ATP2B2: variants seen among roughly 807,000 people sequenced by gnomAD.
ATP2B2 encodes ATPase plasma membrane Ca2+ transporting 2, also known as plasma membrane calcium-transporting ATPase 2.
ATP2B2 carries 15 observed loss-of-function variants against 120.0 expected under a neutral mutation model. The ratio of observed to expected loss-of-function variants is 0.12; its 90% CI spans 0.08 to 0.19. The LOEUF is 0.19. ATP2B2 is among the 10% of genes least tolerant of loss of function. The pLI, the probability that ATP2B2 is intolerant of heterozygous loss-of-function variation, is 1.00. For missense variants in ATP2B2, 1,045 were observed against 1,719.8 expected, an observed-to-expected ratio of 0.61 and a Z score of 6.94; for synonymous variants, 694 against 700.3, an observed-to-expected ratio of 0.99 and a Z score of 0.14.
chr3:10,420,998 G>T (rs185118463), intron 2 of ATP2B2, among the ~76,000 whole-genome samples: 4 of 152,346 alleles, frequency 2.6e-5, no homozygotes, highest in Admixed American at 2.6e-4. Flanking sequence ...GGTCCCTGGA[G>T]CGGCGGCTTC....
chr3:10,511,466 A>G (rs2066760212), intron 3 of ATP2B2, among the ~76,000 whole-genome samples: 1 of 152,202 alleles, frequency 6.6e-6, no homozygotes, highest in Non-Finnish European at 1.5e-5. Context: ...TGAAAAAGCA[A>G]TTCTGCTAGT....
At chr3:10,361,541 A>T (rs1343991584) in intron 12 of ATP2B2, among the ~76,000 whole-genome samples, 1 of 152,142 alleles carries the variant, frequency 6.6e-6, no homozygotes, top group Admixed American at 6.5e-5. Flanking sequence ...GGCCGTGTGA[A>T]CACCATTAGC....
intron 1 of ATP2B2, among the ~76,000 whole-genome samples, chr3:10,474,052 T>A (rs1360904731): frequency 1.3e-5 from 2 of 152,118 alleles, no homozygotes; most frequent in African/African-American, 4.8e-5. Flanking sequence ...AGGTGGCTAC[T>A]GTGTCATCCA....
At chr3:10,640,462 T>C (rs973646027) in intron 1 of ATP2B2, among the ~76,000 whole-genome samples, 1 of 152,214 alleles carries the variant, frequency 6.6e-6, no homozygotes, top group African/African-American at 2.4e-5. Flanking sequence ...AGGCACTGGC[T>C]TGGGAACTCT....
chr3:10,366,057 C>T (rs984913921), intron 12 of ATP2B2, among the ~76,000 whole-genome samples: 3 of 152,132 alleles, frequency 2.0e-5, no homozygotes, highest in Non-Finnish European at 2.9e-5. Flanking sequence ...GGCCCACCTC[C>T]GGACCTCAGT....
At chr3:10,372,095 C>A in intron 11 of ATP2B2, 44 bp from the exon 12 acceptor site, 2 of 1,613,952 alleles carry the variant, frequency 1.2e-6, no homozygotes, top group Non-Finnish European at 8.5e-7. Flanking sequence ...AGGAGAGGGG[C>A]TGGGGAGCAT....
intron 1 of ATP2B2, among the ~76,000 whole-genome samples, chr3:10,467,283 T>C (rs2064787414): frequency 6.6e-6 from 1 of 152,238 alleles, no homozygotes. Flanking sequence ...CAGAGCTGCC[T>C]TGTGGACCAC....
intron 1 of ATP2B2, among the ~76,000 whole-genome samples, chr3:10,461,993 T>C (rs1373409295): frequency 2.0e-5 from 3 of 152,130 alleles, no homozygotes; most frequent in Non-Finnish European, 4.4e-5. Flanking sequence ...TCTCTGACCA[T>C]GTCTGCCCAG....
chr3:10,517,664 C>T (rs951520588), intron 3 of ATP2B2, among the ~76,000 whole-genome samples: 7 of 152,174 alleles, frequency 4.6e-5, no homozygotes, highest in Admixed American at 2.0e-4. Context: ...TCACTGAATC[C>T]GTGCAACCCC....
At chr3:10,695,463 A>G (rs1047094528) in intron 1 of ATP2B2, among the ~76,000 whole-genome samples, 2 of 152,192 alleles carry the variant, frequency 1.3e-5, no homozygotes, top group African/African-American at 4.8e-5. Context: ...GCCAAACCAT[A>G]TAAACTGCCA....
rs114117665 is a variant in ATP2B2, at chr3:10,670,366, C to T, written c.-460+37549G>A. ...ACCCAAAGAACAACATTTTTTTTAA[C>T]GGGAAAGATTGGCTTAGAGAAGGTA... On this transcript the variant is annotated intron_variant, in intron 1 of 21. Transcript: ENST00000646379. Among the ~76,000 whole-genome samples, 1,312 of 152,184 alleles carry T rather than the reference C, an allele frequency of 8.6e-3. 22 individuals carry two copies. Among genetic ancestry groups the T allele is most frequent in the African/African-American group, 0.027 (1,102 of 41,516 alleles).
At position 10,375,630 on chromosome 3, in the gene ATP2B2, C is replaced by A; in HGVS notation, c.1216G>T (p.Ala406Ser). Reference protein sequence around the residue: ...QIGKAGLVMSAITVIILVLYF... With the variant: ...QIGKAGLVMSSITVIILVLYF... ...AGCACCAGGATGATCACCGTGATGG[C>A]TGACATCACCAAGCCTGCAATGTGA... The change falls in exon 11 of 23, where the codon GCC becomes TCC. Residue 406 changes from alanine to serine, a missense_variant. Ala to Ser is a moderately conservative substitution (Grantham distance 99). Coordinates refer to ENST00000360273, the MANE Select transcript of ATP2B2 (RefSeq NM_001001331.4). The surrounding 1 kb of genome is among the most constrained non-coding windows in gnomAD (Gnocchi z 4.2). 6.2e-7 allele frequency: 1 copy of A among 1,613,682 alleles called. No homozygotes were observed. The highest frequency in any genetic ancestry group is 8.5e-7 in the Non-Finnish European group (1 of 1,180,004).
intron 1 of ATP2B2, among the ~76,000 whole-genome samples, chr3:10,680,324 TGG>T (rs1559518342): frequency 4.6e-5 from 7 of 151,470 alleles, no homozygotes. Flanking sequence ...CTGAGGGTTC[TGG>T]AGGCCCAGGT....
intron 2 of ATP2B2, among the ~76,000 whole-genome samples, chr3:10,540,419 C>T (rs1008941588): frequency 7.9e-5 from 12 of 152,148 alleles, no homozygotes; most frequent in African/African-American, 2.4e-4. Flanking sequence ...CATGTGCACA[C>T]GTATGTTTAC....
intron 17 of ATP2B2, 147 bp from the exon 18 acceptor site, chr3:10,345,722 C>G (rs2060411701): frequency 2.5e-6 from 2 of 787,188 alleles, no homozygotes; most frequent in Non-Finnish European, 4.1e-6. Flanking sequence ...ACACCCCACT[C>G]TTCACGCTCC....
rs138266539 is a variant in ATP2B2, at chr3:10,416,814, C to T, written c.200-5999G>A. ...TAAACTTTAATGTCGAAAATGCAAA[C>T]GGGGAGGGCAGAAAGATCACACAAA... On this transcript the variant is annotated intron_variant, in intron 2 of 22. Coordinates refer to ENST00000360273, the MANE Select transcript of ATP2B2 (RefSeq NM_001001331.4). Among the ~76,000 whole-genome samples, 687 of 151,210 alleles carry T rather than the reference C, an allele frequency of 4.5e-3. 8 individuals are homozygous for T. Among genetic ancestry groups the T allele is most frequent in the African/African-American group, 0.016 (655 of 41,054 alleles).
chr3:10,444,069 C>T (rs529007171), intron 2 of ATP2B2, among the ~76,000 whole-genome samples: 1 of 152,320 alleles, frequency 6.6e-6, no homozygotes, highest in South Asian at 2.1e-4. Context: ...AGTTTTTCTC[C>T]TCTCGGCCTC....
chr3:10,471,047 C>T (rs982029508), intron 1 of ATP2B2, among the ~76,000 whole-genome samples: 19 of 152,206 alleles, frequency 1.2e-4, no homozygotes, highest in Non-Finnish European at 7.3e-5. Context: ...CCAGGCCAGG[C>T]ACAAGCTGCT....
rs774513907 is a variant in ATP2B2, at chr3:10,328,570, C to T, written c.*244G>A. The T allele has an allele frequency of 5.6e-5, 29 of 520,010 alleles. No homozygotes were observed. Among genetic ancestry groups the T allele is most frequent in the South Asian group, 1.0e-4 (4 of 39,014 alleles). 32.2% of individuals were successfully genotyped at this position (520,010 alleles called of 1,614,324 possible). On this transcript the variant is annotated 3_prime_UTR_variant, in exon 23 of 23. Coordinates refer to ENST00000360273, the MANE Select transcript of ATP2B2 (RefSeq NM_001001331.4). ...CAGGAAGGGCTTGTTTTGGGAAAAC[C>T]GCTCACTCCCGTAAGCCCCCAGTGG... is the stretch of plus-strand genomic sequence containing the variant.
Sources: gnomAD v4.1 joint callset for allele counts (sites outside exome capture counted in the v4.1 genomes callset) on GRCh38, gnomAD v4.1.1 for gene constraint, Gnocchi (gnomAD v3.1) non-coding constraint, MANE v1.5 for transcripts, NCBI Gene and HGNC (gene_info 2026-07-23, HGNC 2026-07-21) for gene names.